FLNB: variants seen among roughly 807,000 people sequenced by gnomAD.
The protein encoded by FLNB is filamin-B.
A neutral mutation model predicts 250.6 loss-of-function variants in FLNB; 111 were observed. The observed-to-expected ratio is 0.44, with a 90% confidence interval of 0.38 to 0.52. The LOEUF (loss-of-function observed/expected upper bound fraction) is 0.52. Ranked by LOEUF, FLNB falls within the 20% of genes least tolerant of loss-of-function variation. The pLI is 0.00. For missense variants in FLNB, 2,869 were observed against 3,447.8 expected, an observed-to-expected ratio of 0.83 and a Z score of 4.20; for synonymous variants, 1,302 against 1,372.1, an observed-to-expected ratio of 0.95 and a Z score of 1.13.
chr3:58,098,542 A>C (rs2097243140), intron 7 of FLNB, among the ~76,000 whole-genome samples, 169 bp from the exon 8 acceptor site: 1 of 152,158 alleles, frequency 6.6e-6, no homozygotes, highest in Admixed American at 6.5e-5. Flanking sequence ...CATGTTGGCC[A>C]GGCTGGTCTC....
chr3:58,017,796 G>A (rs1234392832), intron 1 of FLNB, among the ~76,000 whole-genome samples: 1 of 152,190 alleles, frequency 6.6e-6, no homozygotes, highest in Non-Finnish European at 1.5e-5. Flanking sequence ...CAGATCCCAT[G>A]CAGTAGAATG....
intron 4 of FLNB, among the ~76,000 whole-genome samples, chr3:58,087,232 AT>A (rs373849721): frequency 2.4e-3 from 370 of 151,804 alleles, no homozygotes; most frequent in African/African-American, 7.1e-3. Flanking sequence ...TTAAGGAATT[AT>A]TTTTTTTTAT....
At chr3:58,048,544 A>G (rs1412622728) in intron 1 of FLNB, among the ~76,000 whole-genome samples, 1 of 152,218 alleles carries the variant, frequency 6.6e-6, no homozygotes, top group Non-Finnish European at 1.5e-5. Context: ...ACAGGCTCAC[A>G]ATCTCAGTTT....
At chr3:58,132,197 T>G (rs2097308597) in intron 25 of FLNB, 1 of 606,142 alleles carries the variant, frequency 1.6e-6, no homozygotes, top group Non-Finnish European at 2.9e-6. Context: ...GGATCTGGAC[T>G]CTGCAACCCA....
At chr3:58,152,570 G>T in intron 38 of FLNB, 1 of 242,616 alleles carries the variant, frequency 4.1e-6, no homozygotes, top group Non-Finnish European at 8.6e-6. Flanking sequence ...AATCCTAATT[G>T]CCTCCTCAAG....
chr3:58,139,066 A>G (rs557325191), intron 29 of FLNB, among the ~76,000 whole-genome samples: 3 of 152,348 alleles, frequency 2.0e-5, no homozygotes, highest in South Asian at 4.1e-4. Context: ...AACATCTGGA[A>G]TAAAAGGAGG....
chr3:58,093,108 G>A (rs1480283280), intron 4 of FLNB, among the ~76,000 whole-genome samples: 1 of 152,156 alleles, frequency 6.6e-6, no homozygotes, highest in Non-Finnish European at 1.5e-5. Flanking sequence ...CCTTCCTCAT[G>A]TTATGTTATT....
chr3:58,034,333 G>C (rs915460510), intron 1 of FLNB, among the ~76,000 whole-genome samples: 1 of 151,964 alleles, frequency 6.6e-6, no homozygotes, highest in Admixed American at 6.6e-5. Flanking sequence ...ACATTTCCAC[G>C]AGCAGTGTTT....
chr3:58,092,846 C>T (rs547053554), intron 4 of FLNB, among the ~76,000 whole-genome samples: 103 of 152,306 alleles, frequency 6.8e-4, no homozygotes, highest in African/African-American at 2.2e-3. Flanking sequence ...ATTTCGCTTC[C>T]GGTCACCAAA....
intron 4 of FLNB, 97 bp downstream of exon 4, chr3:58,081,873 A>G: frequency 7.5e-7 from 1 of 1,341,376 alleles, no homozygotes; most frequent in Non-Finnish European, 1.1e-6. Flanking sequence ...AATCAAAAAT[A>G]GATAGGTGTA....
At chr3:58,039,443 G>A (rs985933496) in intron 1 of FLNB, among the ~76,000 whole-genome samples, 1 of 152,052 alleles carries the variant, frequency 6.6e-6, no homozygotes, top group African/African-American at 2.4e-5. Context: ...ATTTCATTTC[G>A]TGATGGGAAA....
At chr3:58,116,363 G>A (rs866239670) in intron 18 of FLNB, among the ~76,000 whole-genome samples, 11 of 152,348 alleles carry the variant, frequency 7.2e-5, no homozygotes, top group Middle Eastern at 6.8e-3. Flanking sequence ...AAAGGTGGCT[G>A]CTTGGGCATG....
intron 1 of FLNB, among the ~76,000 whole-genome samples, chr3:58,031,340 T>C (rs1306029244): frequency 6.6e-6 from 1 of 152,070 alleles, no homozygotes; most frequent in Non-Finnish European, 1.5e-5. Context: ...CCTCCCGGGT[T>C]CGCGCCATTC....
chr3:58,089,804 G>A (rs2097223275), intron 4 of FLNB, among the ~76,000 whole-genome samples: 1 of 152,134 alleles, frequency 6.6e-6, no homozygotes, highest in African/African-American at 2.4e-5. Context: ...GTTTTGTTCT[G>A]AGGTGGAGTT....
In FLNB at chr3:58,008,871, C is replaced by T. The variant is rs374049637; in HGVS notation, c.292+15C>T. 31 of 1,613,192 alleles carry T rather than the reference C, an allele frequency of 1.9e-5. No homozygotes were observed. The highest frequency in any genetic ancestry group is 2.5e-5 in the Non-Finnish European group (29 of 1,179,890). The stretch of plus-strand genomic sequence containing the variant: ...CGTGTCCATCGGTGAGTTCTCTGGC[C>T]GGGCCCAGGCGCCCACTGTGGTGCC... On this transcript the variant is annotated intron_variant, in intron 1 of 45. Coordinates refer to ENST00000295956, the MANE Select transcript of FLNB (RefSeq NM_001457.4).
intron 43 of FLNB, chr3:58,163,924 A>G (rs2097366099): frequency 6.5e-6 from 1 of 153,342 alleles, no homozygotes. Context: ...AGATACAGGC[A>G]GTGAAGAAGT....
Position 58,148,704 on chromosome 3 carries a change from T to A in FLNB, c.5943T>A (p.Asn1981Lys). The A allele has an allele frequency of 6.2e-7, 1 of 1,613,994 alleles. No homozygotes were observed. Among genetic ancestry groups the A allele is most frequent in the Non-Finnish European group, 8.5e-7 (1 of 1,179,996 alleles). ...VGEHLVSIKK[N>K]GNHVANSPVS... ...AACATCTGGTCAGCATCAAGAAAAA[T>A]GGCAACCATGTGGCCAACAGCCCCG... The change falls in exon 36 of 46, where the codon AAT (asparagine) becomes AAA (lysine). Residue 1981 changes from asparagine to lysine, a missense_variant. Asn to Lys is a moderately conservative substitution (Grantham distance 94). Around this residue, in one of 5 missense-constraint regions of FLNB, gnomAD observed 1,084 missense variants for 1,315.5 expected, o/e 0.82. Coordinates refer to ENST00000295956, the MANE Select transcript of FLNB (RefSeq NM_001457.4).
chr3:58,118,211 A>G (rs953291284), intron 18 of FLNB, among the ~76,000 whole-genome samples: 3 of 152,326 alleles, frequency 2.0e-5, no homozygotes, highest in African/African-American at 7.2e-5. Flanking sequence ...CTGCCTTCAC[A>G]CTTGCAATTT....
intron 38 of FLNB, chr3:58,151,031 A>C: frequency 6.6e-6 from 1 of 152,636 alleles, no homozygotes; most frequent in Non-Finnish European, 1.5e-5. Flanking sequence ...TAGTCACATC[A>C]ACGTCGGGTC....
Sources: gnomAD v4.1 joint callset for allele counts (sites outside exome capture counted in the v4.1 genomes callset) on GRCh38, gnomAD v4.1.1 for gene constraint, gnomAD v4.1.1 regional missense constraint, MANE v1.5 for transcripts, NCBI Gene and HGNC (gene_info 2026-07-23, HGNC 2026-07-21) for gene names.